Variants in ECI2 observed in about 807,000 individuals in gnomAD.
ECI2 encodes the protein enoyl-CoA delta isomerase 2, also known as D3,D2-enoyl-CoA isomerase.
A neutral mutation model predicts 38.4 loss-of-function variants in ECI2; 27 were observed. The observed-to-expected ratio is 0.70, with a 90% CI of 0.52 to 0.97. The LOEUF is 0.97. ECI2 is among the 50% of genes least tolerant of loss of function. The pLI is 0.00. For synonymous variants in ECI2, 168 were observed against 172.0 expected (o/e 0.98, Z 0.18); for missense variants, 470 against 474.4 (o/e 0.99, Z 0.09).
chr6:4,128,879 C>A (rs947987911), intron 4 of ECI2, among the ~76,000 whole-genome samples: 1 of 152,128 alleles, frequency 6.6e-6, no homozygotes, highest in Non-Finnish European at 1.5e-5. Context: ...TGGAACCAAT[C>A]CCCATCGGAT....
intron 2 of ECI2, chr6:4,131,097 G>T: frequency 2.3e-6 from 1 of 431,212 alleles, no homozygotes; most frequent in Non-Finnish European, 4.1e-6. Flanking sequence ...AAATAATGCA[G>T]GATAAAGGTT....
At chr6:4,121,882 TAAA>T in intron 7 of ECI2, 1 of 884,916 alleles carries the variant, frequency 1.1e-6, no homozygotes, top group South Asian at 1.9e-5. Context: ...AGCATATACA[TAAA>T]AATAATCACA....
At chr6:4,121,102 C>A (rs772956236) in intron 7 of ECI2, among the ~76,000 whole-genome samples, 4 of 152,198 alleles carry the variant, frequency 2.6e-5, no homozygotes, top group African/African-American at 4.8e-5. Flanking sequence ...TGCTCCACAT[C>A]CTCACTAAAC....
At position 4,116,171 on chromosome 6, in the gene ECI2, T is replaced by C. The variant is rs540590797; in HGVS notation, c.1030-142A>G. The C allele has an allele frequency of 3.0e-4, 235 of 793,052 alleles. 1 individual carries two copies. The highest frequency in any genetic ancestry group is 2.0e-3 in the Middle Eastern group (7 of 3,458). 49.1% of individuals were successfully genotyped at this position (793,052 alleles called of 1,614,324 possible). On this transcript the variant is annotated intron_variant, in intron 9 of 9. Coordinates refer to ENST00000380118, the MANE Select transcript of ECI2 (RefSeq NM_206836.3). ...TTCAAGACCAGCCTGGCCAACATGG[T>C]GAAACCCCATCTCTACTAAAAATAC... is the stretch of plus-strand genomic sequence containing the variant.
chr6:4,123,164 T>A (rs1772916557), intron 7 of ECI2, among the ~76,000 whole-genome samples: 1 of 152,062 alleles, frequency 6.6e-6, no homozygotes, highest in African/African-American at 2.4e-5. Context: ...ATTTCCTTTA[T>A]TTTATTTATT....
intron 8 of ECI2, chr6:4,118,255 C>A (rs1303341724): frequency 6.6e-6 from 1 of 152,264 alleles, no homozygotes; most frequent in Non-Finnish European, 1.5e-5. Flanking sequence ...TGGTCTTGAA[C>A]TCCTGATCTC....
chr6:4,122,689 T>C (rs1445850180), intron 7 of ECI2, among the ~76,000 whole-genome samples: 24 of 142,908 alleles, frequency 1.7e-4, no homozygotes, highest in South Asian at 1.1e-3. Context: ...AGAGAAGGGG[T>C]TTCACCACAT....
intron 7 of ECI2, among the ~76,000 whole-genome samples, chr6:4,122,782 C>T (rs1772889829): frequency 6.6e-6 from 1 of 152,238 alleles, no homozygotes; most frequent in Non-Finnish European, 1.5e-5. Context: ...AGGCGTGAGC[C>T]ACTGTGCCTG....
At chr6:4,119,408 C>A in intron 7 of ECI2, 133 bp from the exon 8 acceptor site, 1 of 589,132 alleles carries the variant, frequency 1.7e-6, no homozygotes, top group Non-Finnish European at 2.9e-6. Flanking sequence ...GCAACCTCCA[C>A]CCCTTGGGTT....
At chr6:4,117,244 C>A (rs781757435) in intron 9 of ECI2, 64 bp downstream of exon 9, 698 of 1,525,208 alleles carry the variant, frequency 4.6e-4, no homozygotes, top group Non-Finnish European at 5.6e-4. Context: ...TCTCTGAAGG[C>A]AAATAAATTT....
At position 4,115,833 on chromosome 6, in the gene ECI2, A is replaced by C; in HGVS notation, c.*41T>G. 6.3e-7 allele frequency: 1 copy of C among 1,578,168 alleles called. No individual in the cohort carries two copies. The highest frequency in any genetic ancestry group is 8.6e-7 in the Non-Finnish European group (1 of 1,163,700). On this transcript the variant is annotated 3_prime_UTR_variant, in exon 10 of 10. Transcript: ENST00000380118. ...AGTACTGGAAATCAGAGGTAACAGC[A>C]CATCCTTCCTTGGACATGCTTTACT...
chr6:4,117,860 C>T (rs1257762053), intron 8 of ECI2: 1 of 155,554 alleles, frequency 6.4e-6, no homozygotes, highest in Non-Finnish European at 1.4e-5. Context: ...AAATTCCATT[C>T]TCTGGAAACT....
At chr6:4,134,185 A>G (rs1773621906) in intron 1 of ECI2, among the ~76,000 whole-genome samples, 1 of 152,260 alleles carries the variant, frequency 6.6e-6, no homozygotes, top group Non-Finnish European at 1.5e-5. Context: ...TGGTGTTCCA[A>G]CATACACACA....
intron 7 of ECI2, among the ~76,000 whole-genome samples, chr6:4,120,516 C>G (rs139274475): frequency 0.012 from 1,859 of 152,220 alleles, 33 homozygotes; most frequent in African/African-American, 0.041. Context: ...CACCTGAGGT[C>G]AGCAGTTCGA....
At chr6:4,132,245 T>C (rs371052335) in intron 2 of ECI2, among the ~76,000 whole-genome samples, 1 of 152,126 alleles carries the variant, frequency 6.6e-6, no homozygotes, top group East Asian at 1.9e-4. Context: ...CCTTTCCCCA[T>C]GGAGTCAGCA....
chr6:4,130,169 C>T (rs376271994), intron 4 of ECI2: 1 of 1,613,686 alleles, frequency 6.2e-7, no homozygotes, highest in African/African-American at 1.3e-5. Flanking sequence ...CTGGGTATAT[C>T]AGAACCTACC....
At chr6:4,119,762 T>C (rs7744628) in intron 7 of ECI2, among the ~76,000 whole-genome samples, 46,264 of 151,994 alleles carry the variant, frequency 0.3, 7,171 homozygotes, top group East Asian at 0.36. Flanking sequence ...TTTGAACAAA[T>C]AGAGAGTTAC....
intron 5 of ECI2, among the ~76,000 whole-genome samples, chr6:4,127,248 A>T (rs566297357): frequency 3.9e-5 from 6 of 152,286 alleles, no homozygotes; most frequent in Non-Finnish European, 8.8e-5. Context: ...GTTATAAATC[A>T]GGTTACCATG....
intron 7 of ECI2, among the ~76,000 whole-genome samples, chr6:4,119,973 C>A (rs1231260812): frequency 2.6e-5 from 4 of 151,938 alleles, no homozygotes; most frequent in African/African-American, 9.7e-5. Context: ...CTGAGAGTCA[C>A]CATGCTGTTG....
Sources: gnomAD v4.1 joint callset for allele counts (sites outside exome capture counted in the v4.1 genomes callset) on GRCh38, gnomAD v4.1.1 for gene constraint, MANE v1.5 for transcripts, NCBI Gene and HGNC (gene_info 2026-07-23, HGNC 2026-07-21) for gene names.